The following ZDHHC14 variants were observed in gnomAD, a reference collection of about 807,000 sequenced individuals.
The protein encoded by ZDHHC14 is palmitoyltransferase ZDHHC14.
In ZDHHC14, 16 loss-of-function variants were observed where a neutral mutation model predicts 47.7. That is an observed-to-expected ratio of 0.34 (90% CI 0.23 to 0.51). The LOEUF (loss-of-function observed/expected upper bound fraction) is 0.51, where lower values mean the gene tolerates loss of function less well. Among genes scored for constraint, ZDHHC14 ranks in the 20% least tolerant of loss-of-function variants. The pLI, the probability that ZDHHC14 is intolerant of heterozygous loss-of-function variation, is 0.97. For missense variants in ZDHHC14, 515 were observed against 662.5 expected, an observed-to-expected ratio of 0.78 and a Z score of 2.44; for synonymous variants, 293 against 278.9, an observed-to-expected ratio of 1.05 and a Z score of -0.50.
intron 5 of ZDHHC14, among the ~76,000 whole-genome samples, chr6:157,644,556 C>T (rs959274130): frequency 6.6e-6 from 1 of 152,210 alleles, no homozygotes; most frequent in Non-Finnish European, 1.5e-5. Flanking sequence ...TGTGTGCAGC[C>T]TTGTATGCCC....
intron 1 of ZDHHC14, among the ~76,000 whole-genome samples, chr6:157,408,293 C>CT (rs943120733): frequency 1.3e-4 from 19 of 149,634 alleles, no homozygotes; most frequent in South Asian, 2.1e-4. Context: ...CTCCTTTCTG[C>CT]TTTTTTTTTT....
chr6:157,396,788 C>G (rs1363721530), intron 1 of ZDHHC14, among the ~76,000 whole-genome samples: 1 of 152,152 alleles, frequency 6.6e-6, no homozygotes, highest in Non-Finnish European at 1.5e-5. Context: ...CTCTTCCCAT[C>G]ATAACATTAT....
At chr6:157,624,197 C>T (rs138147259) in intron 3 of ZDHHC14, among the ~76,000 whole-genome samples, 1 of 152,222 alleles carries the variant, frequency 6.6e-6, no homozygotes, top group South Asian at 2.1e-4. Context: ...ATCCTGGACA[C>T]TGAATGACAC....
At chr6:157,511,403 C>CTTTGTT in intron 1 of ZDHHC14, among the ~76,000 whole-genome samples, 2 of 148,568 alleles carry the variant, frequency 1.3e-5, no homozygotes, top group East Asian at 2.0e-4. Context: ...TTTTTTGAGA[C>CTTTGTT]GGAGTCTTGC....
chr6:157,469,341 G>C (rs1779300440), intron 1 of ZDHHC14, among the ~76,000 whole-genome samples: 1 of 152,214 alleles, frequency 6.6e-6, no homozygotes, highest in Non-Finnish European at 1.5e-5. Context: ...TCACCCAAAT[G>C]AATGTCCTTC....
chr6:157,565,282 A>G (rs1282629106), intron 2 of ZDHHC14, among the ~76,000 whole-genome samples: 2 of 152,226 alleles, frequency 1.3e-5, no homozygotes, highest in Non-Finnish European at 2.9e-5. Context: ...CATTTTAATC[A>G]GTCTAAGTAG....
At chr6:157,635,590 G>A (rs1383464905) in intron 5 of ZDHHC14, among the ~76,000 whole-genome samples, 2 of 152,248 alleles carry the variant, frequency 1.3e-5, no homozygotes, top group African/African-American at 4.8e-5. Context: ...CGGCTTCCAG[G>A]TGTGGCCAGA....
intron 1 of ZDHHC14, among the ~76,000 whole-genome samples, chr6:157,536,541 T>C (rs1317502496): frequency 2.0e-5 from 3 of 152,210 alleles, no homozygotes; most frequent in African/African-American, 7.2e-5. Context: ...GTTAATCTTC[T>C]CCCAAAGAAT....
intron 2 of ZDHHC14, among the ~76,000 whole-genome samples, chr6:157,580,095 A>G (rs1323423395): frequency 6.6e-6 from 1 of 152,192 alleles, no homozygotes. Context: ...TTTTAACAGG[A>G]AGAGATGTTG....
At chr6:157,667,482 G>A (rs938367062) in intron 8 of ZDHHC14, among the ~76,000 whole-genome samples, 27 of 151,964 alleles carry the variant, frequency 1.8e-4, no homozygotes, top group Admixed American at 7.9e-4. Context: ...AAGAGAAGAC[G>A]GAAAAAGGAG....
intron 3 of ZDHHC14, among the ~76,000 whole-genome samples, chr6:157,623,952 C>T (rs989831565): frequency 5.9e-5 from 9 of 152,208 alleles, no homozygotes; most frequent in Admixed American, 5.9e-4. Context: ...GTGGCAACAA[C>T]TTCAAAGTGT....
At chr6:157,418,932 A>T (rs548173569) in intron 1 of ZDHHC14, among the ~76,000 whole-genome samples, 2 of 152,352 alleles carry the variant, frequency 1.3e-5, no homozygotes, top group South Asian at 4.1e-4. Flanking sequence ...TTCAGTTATT[A>T]TATTGGACTG....
intron 3 of ZDHHC14, among the ~76,000 whole-genome samples, chr6:157,622,193 A>G (rs1404718606): frequency 6.8e-6 from 1 of 146,428 alleles, no homozygotes; most frequent in African/African-American, 2.6e-5. Flanking sequence ...CAACATGGCA[A>G]AATCCCATCT....
chr6:157,601,969 C>T (rs1351010854), intron 3 of ZDHHC14, among the ~76,000 whole-genome samples: 1 of 151,928 alleles, frequency 6.6e-6, no homozygotes, highest in African/African-American at 2.4e-5. Context: ...TTTGGGAGGC[C>T]GAGGCGGGCA....
intron 2 of ZDHHC14, among the ~76,000 whole-genome samples, chr6:157,546,809 C>G (rs561861860): frequency 2.2e-4 from 34 of 152,288 alleles, no homozygotes; most frequent in African/African-American, 7.5e-4. Flanking sequence ...TTCCAGGGAT[C>G]AAAATAGGGG....
chr6:157,399,474 T>G (rs1019653959), intron 1 of ZDHHC14, among the ~76,000 whole-genome samples: 2 of 152,262 alleles, frequency 1.3e-5, no homozygotes, highest in African/African-American at 4.8e-5. Flanking sequence ...GGCTTAGGTC[T>G]CTTCTCATAA....
At chr6:157,430,119 A>G (rs1330553102) in intron 1 of ZDHHC14, among the ~76,000 whole-genome samples, 3 of 152,146 alleles carry the variant, frequency 2.0e-5, no homozygotes, top group Admixed American at 6.5e-5. Flanking sequence ...GATTGAGACC[A>G]TCCTGGCCAA....
At chr6:157,536,832 T>TAG (rs1444133182) in intron 1 of ZDHHC14, among the ~76,000 whole-genome samples, 2 of 48,004 alleles carry the variant, frequency 4.2e-5, no homozygotes, top group African/African-American at 8.4e-5. Context: ...TTTTTTTTTT[T>TAG]TTTTGAGACA....
chr6:157,497,353 A>G (rs990566613), intron 1 of ZDHHC14, among the ~76,000 whole-genome samples: 2 of 152,216 alleles, frequency 1.3e-5, no homozygotes, highest in Non-Finnish European at 2.9e-5. Context: ...TTTTGAAAAC[A>G]TGGTGGAATA....
Sources: gnomAD v4.1 joint callset for allele counts (sites outside exome capture counted in the v4.1 genomes callset) on GRCh38, gnomAD v4.1.1 for gene constraint, MANE v1.5 for transcripts, NCBI Gene and HGNC (gene_info 2026-07-23, HGNC 2026-07-21) for gene names.